Variants in RNASET2 observed in about 807,000 individuals in gnomAD.
The protein encoded by RNASET2 is ribonuclease T2, also known as ribonuclease 6.
Under a neutral mutation model 33.9 loss-of-function variants are expected in RNASET2, and 28 were observed. The ratio of observed to expected loss-of-function variants is 0.83; its 90% CI spans 0.61 to 1.13. The LOEUF is 1.13. Ranked by LOEUF, RNASET2 falls within the 50% of genes most tolerant of loss-of-function variation. RNASET2 has a pLI of 0.00. For missense variants in RNASET2, 330 were observed against 319.9 expected (o/e 1.03, Z -0.24); for synonymous variants, 123 against 121.0 (o/e 1.02, Z -0.11).
At chr6:166,936,386 T>TA (rs1778569667) in intron 6 of RNASET2, among the ~76,000 whole-genome samples, 1 of 152,030 alleles carries the variant, frequency 6.6e-6, no homozygotes, top group Non-Finnish European at 1.5e-5. Context: ...TCAGTCTGTC[T>TA]AGTGTCGCTA....
chr6:166,952,518 CATA>C lies in RNASET2; in HGVS notation c.114_116del (p.Ile38del). On this transcript the variant is annotated inframe_deletion, in exon 2 of 9. Coordinates refer to ENST00000508775, the MANE Select transcript of RNASET2 (RefSeq NM_003730.6). ...ATACTGTCTCAGGCCAGTGCTGAACCATAATTAGTTTTTTCCACTCATGGTTGT... is the reference window on the plus strand; with the variant it reads ...ATACTGTCTCAGGCCAGTGCTGAACCATTAGTTTTTTCCACTCATGGTTGT... 6.2e-7 allele frequency: 1 copy of C among 1,614,058 alleles called. No individual in the cohort carries two copies. Among genetic ancestry groups the C allele is most frequent in the Non-Finnish European group, 8.5e-7 (1 of 1,179,872 alleles).
At chr6:166,934,342 A>G (rs1778516483) in intron 6 of RNASET2, 2 of 579,122 alleles carry the variant, frequency 3.5e-6, no homozygotes, top group East Asian at 3.0e-5. Flanking sequence ...CACACACACA[A>G]ACTGCTCCAG....
In RNASET2 at chr6:166,956,335, G is replaced by T; in HGVS notation, c.-153C>A. On this transcript the variant is annotated 5_prime_UTR_variant, in exon 1 of 9. Coordinates refer to ENST00000508775, the MANE Select transcript of RNASET2 (RefSeq NM_003730.6). Reference sequence around the variant, plus strand: ...CAGCAGCGGCCACCGGGTGCGCCCGGAGCCCTGGGACGGCCTAAACCAGTA... The same window carrying T: ...CAGCAGCGGCCACCGGGTGCGCCCGTAGCCCTGGGACGGCCTAAACCAGTA... The T allele has an allele frequency of 1.3e-6, 1 of 744,406 alleles. No homozygotes were observed. The highest frequency in any genetic ancestry group is 2.3e-6 in the Non-Finnish European group (1 of 435,942). The allele number at this position is 744,406 out of a possible 1,614,324, so 46.1% of individuals were successfully genotyped here. A position where few individuals can be genotyped will look rare whatever the true frequency, so the allele number is the denominator to read the frequency against.
In RNASET2 at chr6:166,951,453, C is replaced by T. The variant is rs548556850; in HGVS notation, c.147+1035G>A. 3.9e-5 allele frequency among the ~76,000 whole-genome samples: 6 copies of T among 152,336 alleles called. No homozygotes were observed. In the South Asian group the frequency reaches 6.2e-4, roughly 16 times the overall value. On this transcript the variant is annotated intron_variant, in intron 2 of 8. Coordinates refer to ENST00000508775, the MANE Select transcript of RNASET2 (RefSeq NM_003730.6). Reference sequence around the variant, plus strand: ...CTCCCTTTCCCAGTCTGCTGAGTAACGGGTGCCTTCCCTAGGCACTGACGC... The same window carrying T: ...CTCCCTTTCCCAGTCTGCTGAGTAATGGGTGCCTTCCCTAGGCACTGACGC...
chr6:166,955,288 ACGCACAGACG>A (rs1405785458), intron 1 of RNASET2, among the ~76,000 whole-genome samples: 1 of 68,394 alleles, frequency 1.5e-5, no homozygotes, highest in African/African-American at 7.9e-5. Context: ...CACGACACAC[ACGCACAGACG>A]CGCACACACG....
At position 166,928,479 on chromosome 6, in the gene RNASET2, G is replaced by T. The variant is rs1778341643; in HGVS notation, c.*1109C>A. ...TTTTTGTAAATTATGCTGACAATAT[G>T]GTTATTCTAAGGATTAAATATTTCA... On this transcript the variant is annotated 3_prime_UTR_variant, in exon 9 of 9. Coordinates refer to ENST00000508775, the MANE Select transcript of RNASET2 (RefSeq NM_003730.6). Among the ~76,000 whole-genome samples the T allele has an allele frequency of 7.0e-6, 1 of 143,704 alleles. No individual in the cohort carries two copies. The highest frequency in any genetic ancestry group is 1.5e-5 in the Non-Finnish European group (1 of 66,834). The allele number at this position is 143,704 out of a possible 152,430, so 94.3% of individuals were successfully genotyped here. A position where few individuals can be genotyped will look rare whatever the true frequency, so the allele number is the denominator to read the frequency against.
At chr6:166,943,421 A>C in intron 4 of RNASET2, 1 of 355,218 alleles carries the variant, frequency 2.8e-6, no homozygotes, top group Admixed American at 3.9e-5. Context: ...GCAAACATAC[A>C]TTGCTAAGTG....
chr6:166,937,442 T>C (rs1778595464), intron 6 of RNASET2, among the ~76,000 whole-genome samples: 1 of 152,196 alleles, frequency 6.6e-6, no homozygotes, highest in Admixed American at 6.5e-5. Context: ...TGGCCCATAA[T>C]GATTTCTGAA....
intron 2 of RNASET2, among the ~76,000 whole-genome samples, chr6:166,951,577 CAG>C (rs1431339743): frequency 1.3e-5 from 2 of 152,246 alleles, no homozygotes; most frequent in East Asian, 3.8e-4. Context: ...CCGGGCGTGA[CAG>C]AGGCTCACAC....
At position 166,929,569 on chromosome 6, in the gene RNASET2, T is replaced by C; in HGVS notation, c.*19A>G. 1 of 1,611,938 alleles carries C rather than the reference T, an allele frequency of 6.2e-7. No homozygotes were observed. Among genetic ancestry groups the C allele is most frequent in the Non-Finnish European group, 8.5e-7 (1 of 1,177,984 alleles). Reference sequence around the variant, plus strand: ...ATTTCTCTTGCTTTTTAAAACAGAATATTTCCAAAACTTGGGCATCAATGC... The same window carrying C: ...ATTTCTCTTGCTTTTTAAAACAGAACATTTCCAAAACTTGGGCATCAATGC... On this transcript the variant is annotated 3_prime_UTR_variant, in exon 9 of 9. Coordinates refer to ENST00000508775, the MANE Select transcript of RNASET2 (RefSeq NM_003730.6).
In RNASET2 at chr6:166,956,133, G is replaced by A. The variant is rs1381369582; in HGVS notation, c.50C>T (p.Ala17Val). Residue 17 changes from alanine to valine, a missense_variant, in exon 1 of 9, where the codon GCG becomes GTG. Transcript: ENST00000508775. ...RGALLGCLCL[A>V]LLCLGGADKR... ...GTCCGCACCGCCCAGGCAAAGCAACGCCAGGCAGAGGCAGCCCAGCAGGGC... is the reference window on the plus strand; with the variant it reads ...GTCCGCACCGCCCAGGCAAAGCAACACCAGGCAGAGGCAGCCCAGCAGGGC... The A allele has an allele frequency of 1.9e-6, 3 of 1,551,846 alleles. No homozygotes were observed. The highest frequency in any genetic ancestry group is 2.4e-5 in the South Asian group (2 of 84,108).
chr6:166,941,796 A>G (rs1778698518), intron 5 of RNASET2, among the ~76,000 whole-genome samples: 1 of 152,270 alleles, frequency 6.6e-6, no homozygotes, highest in Non-Finnish European at 1.5e-5. Context: ...TGAATTATAA[A>G]TTGCAATATT....
rs1012866326 is a variant in RNASET2 at position 166,923,389 on chromosome 6, A to G, written c.*6199T>C. Reference sequence around the variant, plus strand: ...CAGACACCCGCCACCACACCCAGCTAATGTATTTTTAGTAGAGATAGGGTT... The same window carrying G: ...CAGACACCCGCCACCACACCCAGCTGATGTATTTTTAGTAGAGATAGGGTT... On this transcript the variant is annotated 3_prime_UTR_variant, in exon 9 of 9. Transcript: ENST00000508775. Among the ~76,000 whole-genome samples, 4 of 151,960 alleles carry G rather than the reference A, an allele frequency of 2.6e-5. No homozygotes were observed. The highest frequency in any genetic ancestry group is 1.3e-4 in the Admixed American group (2 of 15,268).
At chr6:166,954,693 T>G (rs958739639) in intron 1 of RNASET2, among the ~76,000 whole-genome samples, 2 of 152,220 alleles carry the variant, frequency 1.3e-5, no homozygotes, top group African/African-American at 4.8e-5. Context: ...TGTACATGAT[T>G]AAAAATATAT....
rs1378708784 is a variant in RNASET2 at position 166,928,893 on chromosome 6, C to T, written c.*695G>A. Among the ~76,000 whole-genome samples, 3 of 152,252 alleles carry T rather than the reference C, an allele frequency of 2.0e-5. No homozygotes were observed. The highest frequency in any genetic ancestry group is 4.4e-5 in the Non-Finnish European group (3 of 68,048). ...TCTAAATAGATACCAGTGCAGGGAC[C>T]TGGCTACCCTCTGATAAGAAGGAAG... On this transcript the variant is annotated 3_prime_UTR_variant, in exon 9 of 9. Coordinates refer to ENST00000508775, the MANE Select transcript of RNASET2 (RefSeq NM_003730.6).
chr6:166,944,489 C>G (rs1778780007), intron 4 of RNASET2, among the ~76,000 whole-genome samples: 1 of 149,792 alleles, frequency 6.7e-6, no homozygotes, highest in Non-Finnish European at 1.5e-5. Context: ...CACCCCACCT[C>G]TCCTGCCCCA....
intron 5 of RNASET2, 48 bp from the exon 6 acceptor site, chr6:166,939,056 G>A (rs760404581): frequency 1.5e-6 from 2 of 1,328,202 alleles, no homozygotes; most frequent in East Asian, 2.3e-5. Context: ...GAAACAGGCT[G>A]CGTGCAGTGG....
chr6:166,943,675 T>C (rs763663098), intron 4 of RNASET2: 7 of 453,816 alleles, frequency 1.5e-5, no homozygotes, highest in Non-Finnish European at 3.2e-5. Flanking sequence ...ATGTTAATGC[T>C]AAACTTTATT....
Position 166,938,629 on chromosome 6 carries a change from T to C in RNASET2, c.446+266A>G, listed in dbSNP as rs780446873. ...CTGGTTGGAGTCCTCGTTTTCCCTA[T>C]GGCCGACTCTGATGATGAGATGGTG... On this transcript the variant is annotated intron_variant, in intron 6 of 8. Transcript: ENST00000508775. 2 of 711,842 alleles carry C rather than the reference T, an allele frequency of 2.8e-6. 1 individual carries two copies. The highest frequency in any genetic ancestry group is 2.7e-5 in the South Asian group (2 of 73,190). The allele number at this position is 711,842 out of a possible 1,614,324, so 44.1% of individuals were successfully genotyped here. A position where few individuals can be genotyped will look rare whatever the true frequency, so the allele number is the denominator to read the frequency against.
Sources: allele counts gnomAD v4.1 joint callset (sites outside exome capture counted in the v4.1 genomes callset), GRCh38; gene constraint gnomAD v4.1.1; transcripts MANE v1.5; gene names NCBI Gene and HGNC (gene_info 2026-07-23, HGNC 2026-07-21).